Variants in KCNIP4 observed in about 807,000 individuals in gnomAD.
The protein encoded by KCNIP4 is potassium voltage-gated channel interacting protein 4, also known as Kv channel-interacting protein 4.
A neutral mutation model predicts 34.0 loss-of-function variants in KCNIP4; 12 were observed. The ratio of observed to expected loss-of-function variants is 0.35; its 90% CI spans 0.23 to 0.57. KCNIP4 has a LOEUF of 0.57. KCNIP4 is among the 20% of genes least tolerant of loss of function. The pLI, the probability that KCNIP4 is intolerant of heterozygous loss-of-function variation, is 0.83. For missense variants in KCNIP4, 238 were observed against 311.7 expected, an observed-to-expected ratio of 0.76 and a Z score of 1.78; for synonymous variants, 124 against 102.2, an observed-to-expected ratio of 1.21 and a Z score of -1.29.
intron 1 of KCNIP4, among the ~76,000 whole-genome samples, chr4:21,232,133 G>T (rs1024251263): frequency 3.9e-5 from 6 of 152,146 alleles, no homozygotes; most frequent in African/African-American, 1.4e-4. Context: ...GCCCTGTCAT[G>T]TGTTGGAGAC....
intron 1 of KCNIP4, among the ~76,000 whole-genome samples, chr4:21,175,503 A>AT (rs1161045075): frequency 6.6e-6 from 1 of 152,074 alleles, no homozygotes; most frequent in Non-Finnish European, 1.5e-5. Flanking sequence ...TCAGCATACG[A>AT]TTTTTTTCCT....
intron 1 of KCNIP4, among the ~76,000 whole-genome samples, chr4:21,759,262 A>G (rs1717884422): frequency 6.6e-6 from 1 of 152,198 alleles, no homozygotes; most frequent in Admixed American, 6.6e-5. Context: ...GAATAGGAAC[A>G]CTTGCTTTGT....
intron 2 of KCNIP4, among the ~76,000 whole-genome samples, chr4:20,852,772 G>A (rs1721169885): frequency 6.6e-6 from 1 of 152,208 alleles, no homozygotes; most frequent in Non-Finnish European, 1.5e-5. Context: ...AAAGAATTCA[G>A]TGAAGTTTCT....
intron 1 of KCNIP4, among the ~76,000 whole-genome samples, chr4:21,053,885 C>T (rs28833038): frequency 0.027 from 4,182 of 152,172 alleles, 160 homozygotes; most frequent in African/African-American, 0.094. Context: ...GGAGAGCTAT[C>T]CCATGCTTAT....
At position 21,011,272 on chromosome 4, in the gene KCNIP4, C is replaced by G. The variant is rs79637970; in HGVS notation, c.62-128563G>C. Among the ~76,000 whole-genome samples, 1,169 of 152,268 alleles carry G rather than the reference C, an allele frequency of 7.7e-3. 12 individuals carry two copies. The highest frequency in any genetic ancestry group is 0.027 in the African/African-American group (1,106 of 41,564). ...ACTTCCTAGTGGCATTGCAGGAGAT[C>G]CGTTTGCAATTTGTGTGACTGACTC... On this transcript the variant is annotated intron_variant, in intron 1 of 8. Transcript: ENST00000382152.
intron 1 of KCNIP4, among the ~76,000 whole-genome samples, chr4:20,935,759 G>T (rs1292758288): frequency 1.3e-5 from 2 of 152,048 alleles, no homozygotes; most frequent in Non-Finnish European, 2.9e-5. Flanking sequence ...TTTTTCTGTG[G>T]CTTCCATAAA....
chr4:21,810,764 G>C (rs941393333), intron 1 of KCNIP4, among the ~76,000 whole-genome samples: 1 of 149,726 alleles, frequency 6.7e-6, no homozygotes, highest in Non-Finnish European at 1.5e-5. Context: ...TGAGAAGGAA[G>C]AACTATTATT....
At chr4:20,975,016 C>T (rs1322958599) in intron 1 of KCNIP4, among the ~76,000 whole-genome samples, 1 of 152,092 alleles carries the variant, frequency 6.6e-6, no homozygotes, top group Admixed American at 6.5e-5. Flanking sequence ...ATTTAAATTT[C>T]AAAATAATGT....
At chr4:20,774,570 A>G (rs566433903) in intron 3 of KCNIP4, among the ~76,000 whole-genome samples, 2 of 152,362 alleles carry the variant, frequency 1.3e-5, no homozygotes, top group African/African-American at 4.8e-5. Flanking sequence ...GATGACTATC[A>G]GAGAAGTCAC....
At chr4:21,218,577 T>A (rs1757776341) in intron 1 of KCNIP4, among the ~76,000 whole-genome samples, 1 of 152,170 alleles carries the variant, frequency 6.6e-6, no homozygotes, top group Admixed American at 6.6e-5. Flanking sequence ...AAAACACACA[T>A]TCTTTATCAC....
At chr4:21,621,864 T>C (rs540796564) in intron 1 of KCNIP4, among the ~76,000 whole-genome samples, 3 of 152,162 alleles carry the variant, frequency 2.0e-5, no homozygotes, top group African/African-American at 4.8e-5. Flanking sequence ...AGTGCCTTTA[T>C]CTATTGAACA....
chr4:20,917,882 GCCATGTTGCAGAC>G (rs1401283251), intron 1 of KCNIP4, among the ~76,000 whole-genome samples: 2 of 152,118 alleles, frequency 1.3e-5, no homozygotes, highest in Non-Finnish European at 2.9e-5. Flanking sequence ...GGAAGAGATC[GCCATGTTGCAGAC>G]CTTTTGTTTT....
chr4:21,345,462 G>C (rs1160118120), intron 1 of KCNIP4, among the ~76,000 whole-genome samples: 3 of 152,002 alleles, frequency 2.0e-5, no homozygotes, highest in Non-Finnish European at 2.9e-5. Flanking sequence ...ACATAGTAAT[G>C]GATAACTAAT....
intron 1 of KCNIP4, among the ~76,000 whole-genome samples, chr4:21,673,958 C>T (rs1301818048): frequency 6.6e-6 from 1 of 152,154 alleles, no homozygotes; most frequent in Non-Finnish European, 1.5e-5. Context: ...AATCCTAACT[C>T]ATTTTAGATG....
chr4:21,147,226 T>C (rs1222383185), intron 1 of KCNIP4, among the ~76,000 whole-genome samples: 2 of 152,014 alleles, frequency 1.3e-5, no homozygotes, highest in Non-Finnish European at 1.5e-5. Context: ...TTCCATTCCT[T>C]GGACCTATCT....
chr4:21,732,150 A>C (rs2109113253), intron 1 of KCNIP4, among the ~76,000 whole-genome samples: 1 of 152,142 alleles, frequency 6.6e-6, no homozygotes, highest in East Asian at 1.9e-4. Context: ...AAATAGGTGT[A>C]ATGTGCCCAG....
At chr4:21,720,013 AAGAAGGAGAAGGAGAAGGAGAAGG>A (rs71191538) in intron 1 of KCNIP4, among the ~76,000 whole-genome samples, 1 of 131,234 alleles carries the variant, frequency 7.6e-6, no homozygotes, top group African/African-American at 3.2e-5. Flanking sequence ...AAAGAAGAAG[AAGAAGGAGAAGGAGAAGGAGAAGG>A]AGAAGGAGAA....
chr4:21,538,615 A>G (rs570353113), intron 1 of KCNIP4, among the ~76,000 whole-genome samples: 1 of 152,218 alleles, frequency 6.6e-6, no homozygotes, highest in Non-Finnish European at 1.5e-5. Flanking sequence ...TTTCCCCCCA[A>G]TATTTTATGC....
chr4:21,126,630 AAAG>A lies in KCNIP4; in HGVS notation c.62-243924_62-243922del, dbSNP rs750977584. Among the ~76,000 whole-genome samples, 519 of 125,238 alleles carry A rather than the reference AAAG, an allele frequency of 4.1e-3. 13 individuals carry two copies. Among genetic ancestry groups the A allele is most frequent in the African/African-American group, 0.011 (358 of 32,888 alleles). 82.2% of individuals were successfully genotyped at this position (125,238 alleles called of 152,430 possible). Reference sequence around the variant, plus strand: ...GAAGAGAAATAGCAAAAAAAAAAAAAAAGAAAAGAAAAAAGGTTTTTGTCTCTT... The same window carrying A: ...GAAGAGAAATAGCAAAAAAAAAAAAAAAAAGAAAAAAGGTTTTTGTCTCTT... On this transcript the variant is annotated intron_variant, in intron 1 of 8. Coordinates refer to ENST00000382152, the MANE Select transcript of KCNIP4 (RefSeq NM_025221.6).
Sources: allele counts gnomAD v4.1 joint callset (sites outside exome capture counted in the v4.1 genomes callset), GRCh38; gene constraint gnomAD v4.1.1; transcripts MANE v1.5; gene names NCBI Gene and HGNC (gene_info 2026-07-23, HGNC 2026-07-21).